PRKG1: variants seen among roughly 807,000 people sequenced by gnomAD.
The protein encoded by PRKG1 is cGMP-dependent protein kinase 1.
In PRKG1, 35 loss-of-function variants were observed where a neutral mutation model predicts 88.1. That is an observed-to-expected ratio of 0.40 (90% CI 0.30 to 0.53). The LOEUF (loss-of-function observed/expected upper bound fraction) is 0.53, where lower values mean the gene tolerates loss of function less well. Among genes scored for constraint, PRKG1 ranks in the 20% least tolerant of loss-of-function variants. The probability of loss-of-function intolerance (pLI) is 0.59; values close to 1 mark genes in which losing one functional copy is unlikely to be tolerated. For synonymous variants in PRKG1, 303 were observed against 292.5 expected (o/e 1.04, Z -0.37); for missense variants, 540 against 839.8 (o/e 0.64, Z 4.41).
chr10:51,259,351 A>T (rs1006773917), intron 2 of PRKG1, among the ~76,000 whole-genome samples: 1 of 152,214 alleles, frequency 6.6e-6, no homozygotes, highest in Non-Finnish European at 1.5e-5. Flanking sequence ...AACAGCTGTG[A>T]TTATTCCCGT....
intron 1 of PRKG1, among the ~76,000 whole-genome samples, chr10:51,111,711 TAA>T (rs1379464161): frequency 2.0e-5 from 3 of 152,190 alleles, no homozygotes; most frequent in Non-Finnish European, 4.4e-5. Flanking sequence ...GACTTTCCAC[TAA>T]ATTCTTTGTT....
chr10:52,136,274 G>A (rs886790878), intron 8 of PRKG1, among the ~76,000 whole-genome samples: 19 of 152,012 alleles, frequency 1.2e-4, no homozygotes, highest in Non-Finnish European at 2.8e-4. Context: ...AAAATAGTGG[G>A]CAAATGAGGA....
At chr10:52,063,210 G>A (rs1846278593) in intron 7 of PRKG1, among the ~76,000 whole-genome samples, 1 of 152,232 alleles carries the variant, frequency 6.6e-6, no homozygotes, top group Non-Finnish European at 1.5e-5. Flanking sequence ...GTGGCAAGGG[G>A]CACGTGAGCG....
intron 9 of PRKG1, 59 bp downstream of exon 9, chr10:52,162,022 A>G: frequency 6.8e-7 from 1 of 1,473,164 alleles, no homozygotes; most frequent in South Asian, 1.2e-5. Flanking sequence ...AAATAAGATC[A>G]AATATTTTGT....
intron 5 of PRKG1, among the ~76,000 whole-genome samples, chr10:51,944,513 C>G (rs1842981675): frequency 6.6e-6 from 1 of 151,878 alleles, no homozygotes; most frequent in Non-Finnish European, 1.5e-5. Context: ...AATGTGTTTG[C>G]TCTTACTTTT....
chr10:52,270,636 C>T (rs995176852), intron 10 of PRKG1, among the ~76,000 whole-genome samples: 3 of 147,530 alleles, frequency 2.0e-5, no homozygotes, highest in African/African-American at 5.0e-5. Context: ...AACCAAACAC[C>T]GCATGTTCTC....
intron 2 of PRKG1, among the ~76,000 whole-genome samples, chr10:51,390,703 A>G (rs1435088003): frequency 6.6e-6 from 1 of 152,206 alleles, no homozygotes; most frequent in African/African-American, 2.4e-5. Context: ...CACCAACTGA[A>G]GTACTCTAGT....
At chr10:51,895,444 T>C (rs77220473) in intron 4 of PRKG1, among the ~76,000 whole-genome samples, 3 of 152,100 alleles carry the variant, frequency 2.0e-5, no homozygotes, top group Non-Finnish European at 4.4e-5. Context: ...TGCATGGGCC[T>C]GTTTCCCAGG....
At chr10:51,361,289 A>G (rs1327788260) in intron 2 of PRKG1, among the ~76,000 whole-genome samples, 1 of 151,894 alleles carries the variant, frequency 6.6e-6, no homozygotes, top group African/African-American at 2.4e-5. Flanking sequence ...GACTTTCCCT[A>G]TATTATCTCA....
intron 1 of PRKG1, among the ~76,000 whole-genome samples, chr10:51,048,287 C>T (rs1352452428): frequency 6.6e-6 from 1 of 151,590 alleles, no homozygotes; most frequent in Non-Finnish European, 1.5e-5. Context: ...TTTTACTTCC[C>T]CTCTCTTTCC....
intron 3 of PRKG1, among the ~76,000 whole-genome samples, chr10:51,684,677 A>G (rs1554831786): frequency 6.6e-6 from 1 of 151,970 alleles, no homozygotes; most frequent in Non-Finnish European, 1.5e-5. Flanking sequence ...GAGACCACCC[A>G]GGTCATGGCA....
chr10:51,005,411 T>C (rs1346587003), intron 1 of PRKG1, among the ~76,000 whole-genome samples: 1 of 152,150 alleles, frequency 6.6e-6, no homozygotes, highest in Non-Finnish European at 1.5e-5. Context: ...TCTCCTTTGA[T>C]GGACAAAACA....
At chr10:51,231,851 C>T (rs1291453085) in intron 2 of PRKG1, among the ~76,000 whole-genome samples, 1 of 152,082 alleles carries the variant, frequency 6.6e-6, no homozygotes, top group African/African-American at 2.4e-5. Context: ...CATGTAATGA[C>T]ATTTATTAGA....
chr10:51,149,462 T>C (rs942609480), intron 1 of PRKG1, among the ~76,000 whole-genome samples: 9 of 152,156 alleles, frequency 5.9e-5, no homozygotes, highest in African/African-American at 2.2e-4. Flanking sequence ...TTCTGTCAAG[T>C]ATTTTTTCTT....
At chr10:51,902,113 AT>A (rs1372976141) in intron 4 of PRKG1, among the ~76,000 whole-genome samples, 1 of 151,854 alleles carries the variant, frequency 6.6e-6, no homozygotes, top group Non-Finnish European at 1.5e-5. Context: ...TTTATTTTTT[AT>A]TTTTGTTTTT....
chr10:52,233,565 A>G (rs1840585162), intron 9 of PRKG1, among the ~76,000 whole-genome samples: 1 of 148,288 alleles, frequency 6.7e-6, no homozygotes, highest in Admixed American at 6.8e-5. Flanking sequence ...ACGCACCTGG[A>G]AAATCGGGTC....
chr10:51,122,775 A>G (rs1490634339), intron 1 of PRKG1, among the ~76,000 whole-genome samples: 2 of 152,190 alleles, frequency 1.3e-5, no homozygotes, highest in Non-Finnish European at 2.9e-5. Context: ...AGCATCAATA[A>G]TGTCATAAAC....
chr10:51,053,648 A>G (rs1026886842), intron 1 of PRKG1, among the ~76,000 whole-genome samples: 1 of 152,216 alleles, frequency 6.6e-6, no homozygotes, highest in Non-Finnish European at 1.5e-5. Flanking sequence ...TTATTTTTAA[A>G]AAGGAAAACA....
intron 2 of PRKG1, among the ~76,000 whole-genome samples, chr10:51,172,108 A>G (rs1347654279): frequency 6.6e-6 from 1 of 152,002 alleles, no homozygotes; most frequent in Non-Finnish European, 1.5e-5. Flanking sequence ...TACCTAACAC[A>G]TTTGCTTCCA....
Sources: gnomAD v4.1 joint callset for allele counts (sites outside exome capture counted in the v4.1 genomes callset) on GRCh38, gnomAD v4.1.1 for gene constraint, MANE v1.5 for transcripts, NCBI Gene and HGNC (gene_info 2026-07-23, HGNC 2026-07-21) for gene names.